SH2D6: variants seen among roughly 807,000 people sequenced by gnomAD.
SH2D6 encodes SH2 domain containing 6.
Under a neutral mutation model 30.2 loss-of-function variants are expected in SH2D6, and 31 were observed. That is an observed-to-expected ratio of 1.03 (90% CI 0.77 to 1.38). SH2D6 has a LOEUF of 1.38. SH2D6 is among the 40% of genes most tolerant of loss of function. SH2D6 has a pLI of 0.00. For missense variants in SH2D6, 240 were observed against 266.8 expected (o/e 0.90, Z 0.70); for synonymous variants, 93 against 104.6 (o/e 0.89, Z 0.68).
chr2:85,424,406 C>T (rs1238960884), intron 5 of SH2D6, among the ~76,000 whole-genome samples: 2 of 152,100 alleles, frequency 1.3e-5, no homozygotes, highest in Non-Finnish European at 2.9e-5. Context: ...TCCCTTCCTC[C>T]CTTCTTTTTC....
rs1160403309 is a variant in SH2D6, at chr2:85,430,639, C to A, written c.237C>A (p.Asp79Glu). ...CCCACCTTCCTGGCACTGAGGAGGA[C>A]TCCTTGTACCTGGGTGAGGGCTAGG... ...APAHLPGTEEDSLYLDHSGPL... is the reference protein window; with the variant it reads ...APAHLPGTEEESLYLDHSGPL... The change falls in exon 12 of 24, where the codon GAC becomes GAA. Residue 79 changes from aspartate to glutamate, a missense_variant. Physicochemically the swap from Asp to Glu is conservative, Grantham distance 45. Coordinates refer to ENST00000469800, the MANE Select transcript of SH2D6 (RefSeq NM_001394463.1). This position sits in a 1 kb window ranked among gnomAD's most constrained non-coding sequence, Gnocchi z 4.3. 1 of 152,942 alleles carries A rather than the reference C, an allele frequency of 6.5e-6. No homozygotes were observed. Among genetic ancestry groups the A allele is most frequent in the Non-Finnish European group, 1.5e-5 (1 of 68,292 alleles). The allele number at this position is 152,942 out of a possible 1,614,324, so 9.5% of individuals were successfully genotyped here. A position where few individuals can be genotyped will look rare whatever the true frequency, so the allele number is the denominator to read the frequency against.
intron 19 of SH2D6, 93 bp from the exon 20 acceptor site, chr2:85,434,972 A>ACCC: frequency 6.4e-7 from 1 of 1,569,120 alleles, no homozygotes; most frequent in South Asian, 1.2e-5. Flanking sequence ...GCCTCCTCCT[A>ACCC]CCCCCCACCC....
intron 2 of SH2D6, among the ~76,000 whole-genome samples, chr2:85,420,200 G>T (rs896318552): frequency 1.3e-5 from 2 of 152,164 alleles, no homozygotes; most frequent in African/African-American, 4.8e-5. Context: ...TGCCTCCCGG[G>T]CTTAAGCGGT....
chr2:85,435,751 T>TC lies in SH2D6; in HGVS notation c.819dup (p.Asn274GlnfsTer23). ...GCAGTGCTTCTCCGAGGCCGGGTCT[T>TC]CAACATTCCCATCCGGCGGCTGGAT... On this transcript the variant is annotated frameshift_variant, in exon 22 of 24. Transcript: ENST00000469800. LOFTEE classifies it high-confidence loss of function. 1 of 1,612,270 alleles carries TC rather than the reference T, an allele frequency of 6.2e-7. No individual in the cohort carries two copies. The highest frequency in any genetic ancestry group is 8.5e-7 in the Non-Finnish European group (1 of 1,179,348).
rs1689082725 is a variant in SH2D6, at chr2:85,433,997, G to A, written c.455-36G>A. On this transcript the variant is annotated intron_variant, in intron 16 of 23. Transcript: ENST00000469800. ...GGTCAGCATGGATTCCCTGCCTGGT[G>A]CTCAGCCGAGCCCAGCCTGCCCCTC... The A allele has an allele frequency of 6.5e-6, 10 of 1,528,098 alleles. No individual in the cohort carries two copies. The South Asian group carries it at 9.6e-5, about 15-fold the overall frequency. 94.7% of individuals were successfully genotyped at this position (1,528,098 alleles called of 1,614,324 possible).
chr2:85,425,439 G>A (rs1018728898), intron 6 of SH2D6, 32 bp downstream of exon 6: 1 of 151,690 alleles, frequency 6.6e-6, no homozygotes, highest in African/African-American at 2.4e-5. Flanking sequence ...TAATAGTTTT[G>A]TATTGTTTTT....
At chr2:85,420,466 C>T (rs12465686) in intron 2 of SH2D6, among the ~76,000 whole-genome samples, 29,683 of 152,158 alleles carry the variant, frequency 0.2, 3,833 homozygotes, top group African/African-American at 0.36. Flanking sequence ...AGAATGTGAG[C>T]TTCTGCATTC....
intron 14 of SH2D6, 171 bp from the exon 15 acceptor site, chr2:85,432,928 A>G (rs1238537155): frequency 3.2e-6 from 1 of 317,398 alleles, no homozygotes; most frequent in Non-Finnish European, 4.6e-6. Flanking sequence ...AGGGCTGTGC[A>G]GAGAACCATC....
chr2:85,423,667 A>G (rs1352758323), intron 5 of SH2D6, among the ~76,000 whole-genome samples: 1 of 152,232 alleles, frequency 6.6e-6, no homozygotes, highest in Admixed American at 6.5e-5. Flanking sequence ...CTAGGGAGCC[A>G]TCTGTCCCTC....
intron 13 of SH2D6, among the ~76,000 whole-genome samples, chr2:85,431,499 C>G (rs1688641126): frequency 6.6e-6 from 1 of 152,152 alleles, no homozygotes; most frequent in Non-Finnish European, 1.5e-5. Flanking sequence ...TCAGCTTCAC[C>G]CACGGTGCCC....
chr2:85,427,765 A>G (rs1366350404), intron 6 of SH2D6, among the ~76,000 whole-genome samples: 1 of 152,144 alleles, frequency 6.6e-6, no homozygotes, highest in Non-Finnish European at 1.5e-5. Context: ...AGGATTTGTT[A>G]TTTTTGTTTT....
Position 85,435,744 on chromosome 2 carries a change from C to A in SH2D6, c.811C>A (p.Arg271=), listed in dbSNP as rs767998111. 1.2e-6 allele frequency: 2 copies of A among 1,612,372 alleles called. No individual in the cohort carries two copies. Among genetic ancestry groups the A allele is most frequent in the African/African-American group, 1.3e-5 (1 of 74,918 alleles). ...CACCCTGGCAGTGCTTCTCCGAGGC[C>A]GGGTCTTCAACATTCCCATCCGGCG... is the stretch of plus-strand genomic sequence containing the variant. ...PFTLAVLLRG[R]VFNIPIRRLD... The change falls in exon 22 of 24, where the codon CGG becomes AGG. Residue 271 remains arginine (R), a synonymous_variant. Transcript: ENST00000469800.
Position 85,436,504 on chromosome 2 carries a change from G to A in SH2D6, c.930G>A (p.Met310Ile), listed in dbSNP as rs765796378. 29 of 1,613,594 alleles carry A rather than the reference G, an allele frequency of 1.8e-5. No individual in the cohort carries two copies. Among genetic ancestry groups the A allele is most frequent in the Non-Finnish European group, 2.5e-5 (29 of 1,180,006 alleles). ...SSVAAMVQHFMWHPLPLVDRH... is the reference protein window; with the variant it reads ...SSVAAMVQHFIWHPLPLVDRH... ...TGGCGGCCATGGTCCAGCACTTCATGTGGCACCCTCTGCCCCTTGTGGACA... is the reference window on the plus strand; with the variant it reads ...TGGCGGCCATGGTCCAGCACTTCATATGGCACCCTCTGCCCCTTGTGGACA... Residue 310 changes from methionine to isoleucine, a missense_variant, in exon 23 of 24, where the codon ATG becomes ATA. Coordinates refer to ENST00000469800, the MANE Select transcript of SH2D6 (RefSeq NM_001394463.1).
chr2:85,427,395 T>C lies in SH2D6; in HGVS notation c.-208-1189T>C, dbSNP rs572759512. 1.8e-4 allele frequency among the ~76,000 whole-genome samples: 27 copies of C among 152,386 alleles called. No individual in the cohort carries two copies. In the South Asian group the frequency reaches 5.2e-3, roughly 29 times the overall value. On this transcript the variant is annotated intron_variant, in intron 6 of 23. Transcript: ENST00000469800. ...TGCCTGTGTGACAACATGAGGCCAC[T>C]GAGGCAGCCCTCTTTCCTTCCCCTT...
Position 85,435,766 on chromosome 2 carries a change from G to A in SH2D6, c.833G>A (p.Arg278Gln), listed in dbSNP as rs778250553. 23 of 1,610,004 alleles carry A rather than the reference G, an allele frequency of 1.4e-5. No individual in the cohort carries two copies. The highest frequency in any genetic ancestry group is 6.7e-5 in the East Asian group (3 of 44,758). The change falls in exon 22 of 24, where the codon CGG becomes CAG. Residue 278 changes from arginine to glutamine, a missense_variant. Physicochemically the swap from Arg to Gln is conservative, Grantham distance 43. Coordinates refer to ENST00000469800, the MANE Select transcript of SH2D6 (RefSeq NM_001394463.1). Reference protein sequence around the residue: ...LRGRVFNIPIRRLDGGRHYAL... With the variant: ...LRGRVFNIPIQRLDGGRHYAL... ...GGCCGGGTCTTCAACATTCCCATCC[G>A]GCGGCTGGATGGCGGACGCCACTAT... is the stretch of plus-strand genomic sequence containing the variant.
chr2:85,424,161 C>T (rs1006232376), intron 5 of SH2D6, among the ~76,000 whole-genome samples: 1 of 152,236 alleles, frequency 6.6e-6, no homozygotes, highest in African/African-American at 2.4e-5. Context: ...CCTTTCTACC[C>T]CACCTAAACT....
rs1223740931 is a variant in SH2D6, at chr2:85,434,067, C to T, written c.489C>T (p.Val163=). The change falls in exon 17 of 24, where the codon GTC becomes GTT. Residue 163 remains valine, a synonymous_variant. Coordinates refer to ENST00000469800, the MANE Select transcript of SH2D6 (RefSeq NM_001394463.1). ...TGACTCAGACTCTCAGCTTCCAAGT[C>T]CTGATGCCCTCAGGCCCTCTGCCCA... The part of the protein sequence containing the change: ...LALTQTLSFQ[V]LMPSGPLPRT... The T allele has an allele frequency of 3.2e-6, 5 of 1,550,590 alleles. No individual in the cohort carries two copies. The highest frequency in any genetic ancestry group is 4.4e-6 in the Non-Finnish European group (5 of 1,146,972).
rs952825899 is a variant in SH2D6 at position 85,434,158 on chromosome 2, C to G, written c.533+47C>G. 20 of 1,540,746 alleles carry G rather than the reference C, an allele frequency of 1.3e-5. No homozygotes were observed. In the African/African-American group the frequency reaches 2.3e-4, roughly 18 times the overall value. ...CACCTGTGTGTATGTATGTGAGACA[C>G]AGAGAGAGACAGCACCCCAGTTCAG... On this transcript the variant is annotated intron_variant, in intron 17 of 23. Transcript: ENST00000469800.
At chr2:85,426,432 C>T (rs566603833) in intron 6 of SH2D6, among the ~76,000 whole-genome samples, 7 of 152,222 alleles carry the variant, frequency 4.6e-5, no homozygotes, top group Admixed American at 2.6e-4. Context: ...TCCTTTCACC[C>T]GCCTAAGGCC....
Sources: allele counts gnomAD v4.1 joint callset (sites outside exome capture counted in the v4.1 genomes callset), GRCh38; gene constraint gnomAD v4.1.1; non-coding constraint Gnocchi (gnomAD v3.1); transcripts MANE v1.5; gene names NCBI Gene and HGNC (gene_info 2026-07-23, HGNC 2026-07-21).